IL1RAPL2: variants seen among roughly 807,000 people sequenced by gnomAD.
The protein encoded by IL1RAPL2 is X-linked interleukin-1 receptor accessory protein-like 2.
A neutral mutation model predicts 44.1 loss-of-function variants in IL1RAPL2; 3 were observed. The observed-to-expected ratio is 0.07, with a 90% confidence interval of 0.03 to 0.18. The LOEUF is 0.18. Among genes scored for constraint, IL1RAPL2 ranks in the 10% least tolerant of loss-of-function variants. IL1RAPL2 has a pLI of 1.00. For synonymous variants in IL1RAPL2, 181 were observed against 178.8 expected, an observed-to-expected ratio of 1.01 and a Z score of -0.10; for missense variants, 391 against 496.4, an observed-to-expected ratio of 0.79 and a Z score of 2.02.
At chrX:105,704,062 G>C (rs914023046) in intron 6 of IL1RAPL2, among the ~76,000 whole-genome samples, 1 of 111,500 alleles carries the variant, frequency 9.0e-6, no homozygotes, top group Non-Finnish European at 1.9e-5. Context: ...AGGTTACCAA[G>C]ATGGATTAGT....
At chrX:105,035,228 A>G (rs944473856) in intron 2 of IL1RAPL2, among the ~76,000 whole-genome samples, 1 of 111,555 alleles carries the variant, frequency 9.0e-6, no homozygotes, top group Admixed American at 9.5e-5. Context: ...CGGCTCACGC[A>G]CGGTGCACTG....
At chrX:104,750,016 A>T (rs1932232347) in intron 2 of IL1RAPL2, among the ~76,000 whole-genome samples, 1 of 111,579 alleles carries the variant, frequency 9.0e-6, no homozygotes, top group South Asian at 3.7e-4. Flanking sequence ...ATAATTTTTG[A>T]GAGTATTTTG....
chrX:104,789,518 G>T (rs888605480), intron 2 of IL1RAPL2, among the ~76,000 whole-genome samples: 1 of 111,687 alleles, frequency 9.0e-6, no homozygotes, highest in Non-Finnish European at 1.9e-5. Context: ...TGCCTGCAGT[G>T]GAATATATTT....
intron 5 of IL1RAPL2, among the ~76,000 whole-genome samples, chrX:105,396,956 A>G (rs1464118096): frequency 9.9e-5 from 11 of 111,002 alleles, no homozygotes; most frequent in African/African-American, 3.6e-4. Flanking sequence ...GCTGCTCCCC[A>G]TCACTCATGT....
intron 6 of IL1RAPL2, among the ~76,000 whole-genome samples, chrX:105,687,251 CA>C (rs58129747): frequency 0.16 from 16,519 of 100,973 alleles, 1,305 homozygotes; most frequent in Non-Finnish European, 0.24. Context: ...GATAGAGACA[CA>C]AAAAAAAAAC....
At chrX:105,389,855 CTG>C (rs2035508136) in intron 5 of IL1RAPL2, among the ~76,000 whole-genome samples, 1 of 110,951 alleles carries the variant, frequency 9.0e-6, no homozygotes, top group Admixed American at 9.6e-5. Flanking sequence ...GCCAGGCAAA[CTG>C]TATTACATGG....
intron 6 of IL1RAPL2, among the ~76,000 whole-genome samples, chrX:105,617,561 C>T (rs1440145567): frequency 2.7e-5 from 3 of 111,657 alleles, no homozygotes. Flanking sequence ...ATTCAGAAAG[C>T]TCTTACTTTC....
At position 104,966,419 on chromosome X, in the gene IL1RAPL2, C is replaced by T. The variant is rs143702449; in HGVS notation, c.83-229056C>T. The stretch of plus-strand genomic sequence containing the variant: ...TTTGTCAGGCAAATACTAATGCAAA[C>T]GTTACATATTTTCATAGCTATATTA... On this transcript the variant is annotated intron_variant, in intron 2 of 10. Transcript: ENST00000372582. 1.3e-4 allele frequency among the ~76,000 whole-genome samples: 14 copies of T among 111,039 alleles called. No homozygotes were observed. In the East Asian group the frequency reaches 1.7e-3, roughly 13 times the overall value.
intron 2 of IL1RAPL2, among the ~76,000 whole-genome samples, chrX:104,872,739 A>G (rs1428705296): frequency 9.0e-6 from 1 of 111,507 alleles, no homozygotes; most frequent in Non-Finnish European, 1.9e-5. Context: ...TCTAGTTTGA[A>G]TATGGTGACT....
At chrX:105,484,286 A>T in intron 5 of IL1RAPL2, 27 bp from the exon 6 acceptor site, 1 of 1,086,451 alleles carries the variant, frequency 9.2e-7, no homozygotes, top group Non-Finnish European at 1.3e-6. Flanking sequence ...CAATTTTTCC[A>T]TTACTTTCTT....
At chrX:105,260,274 C>T (rs1158158973) in intron 4 of IL1RAPL2, among the ~76,000 whole-genome samples, 1 of 112,332 alleles carries the variant, frequency 8.9e-6, no homozygotes, top group African/African-American at 3.2e-5. Context: ...GGATGACGGC[C>T]CAGCCCTCCT....
chrX:104,689,603 G>T (rs1931054751), intron 2 of IL1RAPL2, among the ~76,000 whole-genome samples: 1 of 111,965 alleles, frequency 8.9e-6, no homozygotes, highest in South Asian at 3.7e-4. Context: ...CCACAGCACT[G>T]CTGGTATAGC....
chrX:105,024,656 CA>C (rs2031336113), intron 2 of IL1RAPL2, among the ~76,000 whole-genome samples: 1 of 111,229 alleles, frequency 9.0e-6, no homozygotes, highest in South Asian at 3.7e-4. Context: ...TATACTTCTC[CA>C]ATCAAAAGAG....
At chrX:105,018,013 G>A (rs986065231) in intron 2 of IL1RAPL2, among the ~76,000 whole-genome samples, 10 of 111,376 alleles carry the variant, frequency 9.0e-5, no homozygotes, top group Non-Finnish European at 1.9e-4. Context: ...GACCAAAAGT[G>A]GTTCCCCCCA....
At chrX:105,414,196 C>T (rs968569252) in intron 5 of IL1RAPL2, among the ~76,000 whole-genome samples, 10 of 110,612 alleles carry the variant, frequency 9.0e-5, no homozygotes, top group Non-Finnish European at 1.1e-4. Context: ...GGCGCGATCT[C>T]GGCTCACTGC....
intron 5 of IL1RAPL2, among the ~76,000 whole-genome samples, chrX:105,342,450 T>C (rs2035078995): frequency 8.9e-6 from 1 of 112,126 alleles, no homozygotes; most frequent in Non-Finnish European, 1.9e-5. Context: ...ACTGTGGTTT[T>C]CTCTTCAAAT....
At chrX:104,848,139 A>G (rs1217630824) in intron 2 of IL1RAPL2, among the ~76,000 whole-genome samples, 1 of 110,174 alleles carries the variant, frequency 9.1e-6, no homozygotes, top group Non-Finnish European at 1.9e-5. Flanking sequence ...TCATCTGCAA[A>G]CAGGGACCAT....
intron 2 of IL1RAPL2, among the ~76,000 whole-genome samples, chrX:105,002,144 G>A (rs1348106230): frequency 1.8e-5 from 2 of 110,864 alleles, no homozygotes; most frequent in African/African-American, 6.6e-5. Context: ...TAAGAGTTCT[G>A]CCTGTTATCC....
intron 2 of IL1RAPL2, among the ~76,000 whole-genome samples, chrX:105,034,847 C>G (rs1288986065): frequency 8.9e-6 from 1 of 112,384 alleles, no homozygotes; most frequent in African/African-American, 3.2e-5. Context: ...GTGGTGGAGC[C>G]TACAGAATCA....
Sources: allele counts gnomAD v4.1 joint callset (sites outside exome capture counted in the v4.1 genomes callset), GRCh38; gene constraint gnomAD v4.1.1; transcripts MANE v1.5; gene names NCBI Gene and HGNC (gene_info 2026-07-23, HGNC 2026-07-21).